Variants in PHC1 observed in about 807,000 individuals in gnomAD.
The protein encoded by PHC1 is polyhomeotic-like protein 1.
PHC1 carries 12 observed loss-of-function variants against 104.3 expected under a neutral mutation model. The observed-to-expected ratio is 0.12, with a 90% CI of 0.07 to 0.19. The LOEUF is 0.19. Among genes scored for constraint, PHC1 ranks in the 10% least tolerant of loss-of-function variants. The probability of loss-of-function intolerance (pLI) is 1.00; values close to 1 mark genes in which losing one functional copy is unlikely to be tolerated. For missense variants in PHC1, 671 were observed against 1,200.0 expected, an observed-to-expected ratio of 0.56 and a Z score of 6.51; for synonymous variants, 302 against 455.8, an observed-to-expected ratio of 0.66 and a Z score of 4.30.
At chr12:8,921,143 T>C in intron 4 of PHC1, 78 bp downstream of exon 4, 1 of 1,081,274 alleles carries the variant, frequency 9.2e-7, no homozygotes, top group Non-Finnish European at 1.4e-6. Flanking sequence ...GTGCCGCTGA[T>C]CTGAGAGTGT....
intron 6 of PHC1, among the ~76,000 whole-genome samples, chr12:8,924,518 A>G (rs1010682908): frequency 2.0e-5 from 3 of 152,230 alleles, no homozygotes; most frequent in Non-Finnish European, 4.4e-5. Flanking sequence ...GCTAACTTTG[A>G]GTGACACATG....
chr12:8,932,464 T>G, intron 7 of PHC1, 99 bp from the exon 8 acceptor site: 1 of 1,300,422 alleles, frequency 7.7e-7, no homozygotes, highest in Non-Finnish European at 1.1e-6. Flanking sequence ...ATTCCAAAAC[T>G]AGGTTATACC....
At chr12:8,927,892 TCTTTCTTTCTTTCTTTC>T (rs1565517494) in intron 6 of PHC1, among the ~76,000 whole-genome samples, 46 of 115,028 alleles carry the variant, frequency 4.0e-4, no homozygotes, top group African/African-American at 1.7e-3. Flanking sequence ...TTTCTTTCTT[TCTTTCTTTCTTTCTTTC>T]TTTCTTTTTT....
At position 8,922,547 on chromosome 12, in the gene PHC1, T is replaced by G. The variant is rs1223251842; in HGVS notation, c.457-86T>G. On this transcript the variant is annotated intron_variant, in intron 5 of 14. Coordinates refer to ENST00000544916, the MANE Select transcript of PHC1 (RefSeq NM_004426.3). ...CAGCTGTTTAATATCTTCTGTTTATTTTGTCTTGTGGTCCTTCCTTTCCAT... is the reference window on the plus strand; with the variant it reads ...CAGCTGTTTAATATCTTCTGTTTATGTTGTCTTGTGGTCCTTCCTTTCCAT... The G allele has an allele frequency of 2.9e-5, 35 of 1,203,270 alleles. No individual in the cohort carries two copies. In the South Asian group the frequency reaches 4.4e-4, roughly 15 times the overall value. The allele number at this position is 1,203,270 out of a possible 1,614,324, so 74.5% of individuals were successfully genotyped here. A position where few individuals can be genotyped will look rare whatever the true frequency, so the allele number is the denominator to read the frequency against.
chr12:8,914,059 C>T (rs1945122371), upstream of PHC1: 1 of 152,740 alleles, frequency 6.5e-6, no homozygotes, highest in Non-Finnish European at 1.5e-5. Flanking sequence ...TCTATCGTTT[C>T]TCTAGGGGTC....
chr12:8,936,976 A>G lies in PHC1; in HGVS notation c.2477+12A>G, dbSNP rs778616066. 2 of 1,576,210 alleles carry G rather than the reference A, an allele frequency of 1.3e-6. No homozygotes were observed. The highest frequency in any genetic ancestry group is 1.7e-6 in the Non-Finnish European group (2 of 1,146,124). Reference sequence around the variant, plus strand: ...ACTTGCGCTAAGAGGTACTCTGGGCACCCTCCTCCTTGCCCTCAGCACTGG... The same window carrying G: ...ACTTGCGCTAAGAGGTACTCTGGGCGCCCTCCTCCTTGCCCTCAGCACTGG... On this transcript the variant is annotated intron_variant, in intron 12 of 14. Transcript: ENST00000544916.
intron 6 of PHC1, among the ~76,000 whole-genome samples, chr12:8,923,456 C>G (rs1249567572): frequency 6.6e-6 from 1 of 152,164 alleles, no homozygotes; most frequent in Non-Finnish European, 1.5e-5. Context: ...TTTGGCCCTC[C>G]CTGTTTATGG....
In PHC1 at chr12:8,935,109, T is replaced by C; in HGVS notation, c.2254-15T>C. The C allele has an allele frequency of 7.0e-7, 1 of 1,419,674 alleles. No homozygotes were observed. The highest frequency in any genetic ancestry group is 9.8e-7 in the Non-Finnish European group (1 of 1,020,740). 87.9% of individuals were successfully genotyped at this position (1,419,674 alleles called of 1,614,324 possible). On this transcript the variant is annotated splice_polypyrimidine_tract_variant and intron_variant, in intron 10 of 14. Coordinates refer to ENST00000544916, the MANE Select transcript of PHC1 (RefSeq NM_004426.3). ...GGGATCAGGCTAACTTAACTCTCAA[T>C]GTTTTCTGGGACAGGTGGGTTGTTC...
rs2137126915 is a variant in PHC1, at chr12:8,935,243, G to GCATTTATTT, written c.2368+6_2368+14dup. 1.3e-6 allele frequency: 2 copies of GCATTTATTT among 1,505,362 alleles called. No homozygotes were observed. The highest frequency in any genetic ancestry group is 4.7e-5 in the East Asian group (2 of 42,942). The allele number at this position is 1,505,362 out of a possible 1,614,324, so 93.3% of individuals were successfully genotyped here. On this transcript the variant is annotated splice_donor_region_variant and intron_variant, in intron 11 of 14. Coordinates refer to ENST00000544916, the MANE Select transcript of PHC1 (RefSeq NM_004426.3). ...GAGTGGACAGCCCATCTGCTGGTGA[G>GCATTTATTT]CATTTATTTAGAGACTCATTTGGGG...
rs1352824622 is a variant in PHC1, at chr12:8,914,573, C to T, written c.-303C>T. 6.6e-6 allele frequency: 1 copy of T among 151,216 alleles called. No individual in the cohort carries two copies. The highest frequency in any genetic ancestry group is 2.4e-5 in the African/African-American group (1 of 41,288). The allele number at this position is 151,216 out of a possible 1,614,324, so 9.4% of individuals were successfully genotyped here. On this transcript the variant is annotated 5_prime_UTR_variant, in exon 1 of 15. Transcript: ENST00000544916. ...TCGGCCGGGCAGGAAGTGACAGGCC[C>T]GGAGCGAGCCCCGGAGGCCTGGCTG...
chr12:8,931,143 G>A (rs1364108635), intron 7 of PHC1, among the ~76,000 whole-genome samples: 1 of 152,120 alleles, frequency 6.6e-6, no homozygotes, highest in Non-Finnish European at 1.5e-5. Flanking sequence ...TTTCTACCAG[G>A]CAGTAGTCAG....
chr12:8,936,415 A>C (rs1052631627), intron 11 of PHC1, among the ~76,000 whole-genome samples: 4 of 152,164 alleles, frequency 2.6e-5, no homozygotes, highest in African/African-American at 9.7e-5. Flanking sequence ...GATCTAAAAT[A>C]GGACATTTAT....
intron 1 of PHC1, chr12:8,915,710 T>A (rs1298854000): frequency 6.6e-6 from 1 of 152,150 alleles, no homozygotes; most frequent in East Asian, 1.9e-4. Flanking sequence ...ATATTTAATC[T>A]TGTAGTCATA....
At chr12:8,936,312 G>C (rs1945835971) in intron 11 of PHC1, among the ~76,000 whole-genome samples, 2 of 152,218 alleles carry the variant, frequency 1.3e-5, no homozygotes, top group Admixed American at 6.5e-5. Context: ...AGCCCGGGAG[G>C]TGGAGGTTGC....
rs1324102472 is a variant in PHC1, at chr12:8,930,634, G to C, written c.812G>C (p.Ser271Thr). ...SLNLSQAGGG[S>T]GNSIPGSMGP... is the part of the protein sequence containing the mutation. The stretch of plus-strand genomic sequence containing the variant: ...AACCTTAGTCAAGCTGGTGGAGGCA[G>C]TGGGAATAGCATCCCAGGGTCCATG... The change falls in exon 7 of 15, where the codon AGT becomes ACT. Residue 271 changes from serine to threonine, a missense_variant. Coordinates refer to ENST00000544916, the MANE Select transcript of PHC1 (RefSeq NM_004426.3). 5 of 1,474,812 alleles carry C rather than the reference G, an allele frequency of 3.4e-6. No homozygotes were observed. The highest frequency in any genetic ancestry group is 4.6e-6 in the Non-Finnish European group (5 of 1,087,162). 91.4% of individuals were successfully genotyped at this position (1,474,812 alleles called of 1,614,324 possible). A position where few individuals can be genotyped will look rare whatever the true frequency, so the allele number is the denominator to read the frequency against.
At chr12:8,931,764 T>C (rs985703002) in intron 7 of PHC1, among the ~76,000 whole-genome samples, 2 of 152,184 alleles carry the variant, frequency 1.3e-5, no homozygotes, top group African/African-American at 4.8e-5. Flanking sequence ...TTGGTCATGT[T>C]GATTTTTGCC....
At chr12:8,920,806 A>G (rs777941796) in intron 3 of PHC1, among the ~76,000 whole-genome samples, 179 bp from the exon 4 acceptor site, 9 of 152,346 alleles carry the variant, frequency 5.9e-5, no homozygotes, top group Admixed American at 5.2e-4. Flanking sequence ...ATTGGTTAGC[A>G]TATGTGGTAA....
intron 11 of PHC1, among the ~76,000 whole-genome samples, chr12:8,936,024 A>G (rs1216885179): frequency 6.6e-6 from 1 of 151,754 alleles, no homozygotes; most frequent in East Asian, 1.9e-4. Context: ...TTGGCCTCCC[A>G]AAGTGCTGGG....
Position 8,922,554 on chromosome 12 carries a change from TGTG to T in PHC1, c.457-76_457-74del, listed in dbSNP as rs1945396071. On this transcript the variant is annotated intron_variant, in intron 5 of 14. Transcript: ENST00000544916. Reference sequence around the variant, plus strand: ...TTAATATCTTCTGTTTATTTTGTCTTGTGGTCCTTCCTTTCCATCTCTTCTGTC... The same window carrying T: ...TTAATATCTTCTGTTTATTTTGTCTTGTCCTTCCTTTCCATCTCTTCTGTC... 7.1e-6 allele frequency: 9 copies of T among 1,269,944 alleles called. No individual in the cohort carries two copies. In the East Asian group the frequency reaches 1.3e-4, roughly 18 times the overall value. 78.7% of individuals were successfully genotyped at this position (1,269,944 alleles called of 1,614,324 possible). A position where few individuals can be genotyped will look rare whatever the true frequency, so the allele number is the denominator to read the frequency against.
Sources: allele counts gnomAD v4.1 joint callset (sites outside exome capture counted in the v4.1 genomes callset), GRCh38; gene constraint gnomAD v4.1.1; transcripts MANE v1.5; gene names NCBI Gene and HGNC (gene_info 2026-07-23, HGNC 2026-07-21).